Variants in RFX7 observed in about 807,000 individuals in gnomAD.
The protein encoded by RFX7 is regulatory factor X7, also known as DNA-binding protein RFX7.
Under a neutral mutation model 111.8 loss-of-function variants are expected in RFX7, and 26 were observed. The observed-to-expected ratio is 0.23, with a 90% CI of 0.17 to 0.32. The LOEUF (loss-of-function observed/expected upper bound fraction) is 0.32. Among genes scored for constraint, RFX7 ranks in the 10% least tolerant of loss-of-function variants. The pLI, the probability that RFX7 is intolerant of heterozygous loss-of-function variation, is 1.00. For missense variants in RFX7, 1,573 were observed against 1,772.9 expected (o/e 0.89, Z 2.02); for synonymous variants, 624 against 624.4 (o/e 1.00, Z 0.01).
chr15:56,208,703 G>C (rs968745060), intron 2 of RFX7, among the ~76,000 whole-genome samples: 1 of 152,054 alleles, frequency 6.6e-6, no homozygotes, highest in Admixed American at 6.6e-5. Context: ...TAAATAAATA[G>C]AAATTATAAG....
intron 2 of RFX7, among the ~76,000 whole-genome samples, chr15:56,238,593 G>C (rs1202480112): frequency 6.6e-6 from 1 of 152,068 alleles, no homozygotes; most frequent in African/African-American, 2.4e-5. Context: ...TTATATGACC[G>C]TTTTAAGAAG....
intron 2 of RFX7, among the ~76,000 whole-genome samples, chr15:56,182,394 CAT>C (rs2042984008): frequency 6.6e-6 from 1 of 152,088 alleles, no homozygotes; most frequent in Admixed American, 6.6e-5. Context: ...TATACTTAAA[CAT>C]AATAGAAAAA....
rs975782447 is a variant in RFX7 at position 56,112,118 on chromosome 15, A to C, written c.402-8448T>G. On this transcript the variant is annotated intron_variant, in intron 5 of 9. Transcript: ENST00000559447. ...CAATAGAGGGACACTTTGCCCCAGA[A>C]AAAAAAAAAAAAAAAGAATCACTAA... 1.3e-3 allele frequency among the ~76,000 whole-genome samples: 162 copies of C among 124,954 alleles called. 1 individual carries two copies. The highest frequency in any genetic ancestry group is 4.4e-3 in the African/African-American group (155 of 35,382). The allele number at this position is 124,954 out of a possible 152,430, so 82.0% of individuals were successfully genotyped here.
Position 56,094,519 on chromosome 15 carries a change from C to G in RFX7, c.3209G>C (p.Ser1070Thr), listed in dbSNP as rs774041288. Reference sequence around the variant, plus strand: ...AGAAACTGATGAATTACCAACCCCACTATACCCATTATTCATCCATTCAAG... The same window carrying G: ...AGAAACTGATGAATTACCAACCCCAGTATACCCATTATTCATCCATTCAAG... ...TKLEWMNNGY[S>T]GVGNSSVSGH... The change falls in exon 10 of 10, where the codon AGT (serine) becomes ACT (threonine). Residue 1070 changes from serine (S) to threonine (T), a missense_variant. By Grantham distance (58) the Ser-to-Thr change is moderately conservative (BLOSUM62 1). Coordinates refer to ENST00000559447, the MANE Select transcript of RFX7 (RefSeq NM_022841.7). 12 of 1,613,850 alleles carry G rather than the reference C, an allele frequency of 7.4e-6. No homozygotes were observed. The highest frequency in any genetic ancestry group is 6.7e-5 in the Admixed American group (4 of 59,998).
At chr15:56,171,975 G>C (rs2141111243) in intron 3 of RFX7, among the ~76,000 whole-genome samples, 1 of 152,268 alleles carries the variant, frequency 6.6e-6, no homozygotes, top group South Asian at 2.1e-4. Context: ...CAAAGCAACA[G>C]ACACCCTTGA....
At chr15:56,218,542 G>A (rs1295881570) in intron 2 of RFX7, among the ~76,000 whole-genome samples, 1 of 152,168 alleles carries the variant, frequency 6.6e-6, no homozygotes, top group Non-Finnish European at 1.5e-5. Flanking sequence ...GGGGGTCCTG[G>A]AACCAATTCC....
chr15:56,149,884 C>T (rs890730493), intron 3 of RFX7, among the ~76,000 whole-genome samples: 7 of 151,906 alleles, frequency 4.6e-5, no homozygotes, highest in Admixed American at 1.3e-4. Flanking sequence ...TGGAAAGGGG[C>T]GCTGAAGCCA....
At chr15:56,228,607 A>G (rs1222685570) in intron 2 of RFX7, among the ~76,000 whole-genome samples, 1 of 152,192 alleles carries the variant, frequency 6.6e-6, no homozygotes, top group Non-Finnish European at 1.5e-5. Flanking sequence ...TTAATACACA[A>G]TTACTGACAC....
At chr15:56,157,742 G>T (rs1001296691) in intron 3 of RFX7, among the ~76,000 whole-genome samples, 1 of 152,156 alleles carries the variant, frequency 6.6e-6, no homozygotes, top group African/African-American at 2.4e-5. Flanking sequence ...ACCACGCCCA[G>T]TTAATTTTTG....
chr15:56,198,226 C>T (rs1254135751), intron 2 of RFX7, among the ~76,000 whole-genome samples: 1 of 152,062 alleles, frequency 6.6e-6, no homozygotes, highest in Non-Finnish European at 1.5e-5. Context: ...ATAGCCTCTT[C>T]CCAACAATCC....
At chr15:56,189,585 G>C (rs981386028) in intron 2 of RFX7, among the ~76,000 whole-genome samples, 1 of 151,972 alleles carries the variant, frequency 6.6e-6, no homozygotes, top group Non-Finnish European at 1.5e-5. Context: ...GCAAACAACT[G>C]GAATAGATAT....
chr15:56,131,693 C>A (rs146048041), intron 5 of RFX7, among the ~76,000 whole-genome samples: 75 of 152,210 alleles, frequency 4.9e-4, no homozygotes, highest in African/African-American at 1.7e-3. Context: ...AAAATAAAGT[C>A]TTGTTCAACT....
At chr15:56,120,302 C>G (rs1164238719) in intron 5 of RFX7, among the ~76,000 whole-genome samples, 1 of 152,122 alleles carries the variant, frequency 6.6e-6, no homozygotes. Context: ...TCAGATTGTT[C>G]ACAGTTGGCA....
At chr15:56,162,703 A>T (rs1048387372) in intron 3 of RFX7, among the ~76,000 whole-genome samples, 2 of 152,110 alleles carry the variant, frequency 1.3e-5, no homozygotes, top group Non-Finnish European at 2.9e-5. Context: ...CAATAACTCA[A>T]GTGTTTAATG....
At chr15:56,202,464 T>C (rs1317755100) in intron 2 of RFX7, among the ~76,000 whole-genome samples, 1 of 152,196 alleles carries the variant, frequency 6.6e-6, no homozygotes, top group African/African-American at 2.4e-5. Flanking sequence ...GTGGCTACTG[T>C]ACTGGACAGT....
chr15:56,125,117 TC>T (rs2042126017), intron 5 of RFX7, among the ~76,000 whole-genome samples: 1 of 152,210 alleles, frequency 6.6e-6, no homozygotes, highest in Non-Finnish European at 1.5e-5. Flanking sequence ...GACTGTCCTT[TC>T]CCCACTGAGT....
At chr15:56,216,428 T>A (rs576572095) in intron 2 of RFX7, among the ~76,000 whole-genome samples, 1 of 152,204 alleles carries the variant, frequency 6.6e-6, no homozygotes, top group Non-Finnish European at 1.5e-5. Context: ...AAGTTGCTTA[T>A]AATATTCTTA....
At chr15:56,200,569 G>C (rs2043184316) in intron 2 of RFX7, among the ~76,000 whole-genome samples, 1 of 152,096 alleles carries the variant, frequency 6.6e-6, no homozygotes, top group African/African-American at 2.4e-5. Flanking sequence ...GGGAGGCCGA[G>C]GTGGGCGGAT....
chr15:56,150,564 A>C (rs556465743), intron 3 of RFX7, among the ~76,000 whole-genome samples: 1 of 152,248 alleles, frequency 6.6e-6, no homozygotes, highest in Non-Finnish European at 1.5e-5. Flanking sequence ...CTGGAAGGTC[A>C]CCAACATCAA....
Sources: allele counts gnomAD v4.1 joint callset (sites outside exome capture counted in the v4.1 genomes callset), GRCh38; gene constraint gnomAD v4.1.1; transcripts MANE v1.5; gene names NCBI Gene and HGNC (gene_info 2026-07-23, HGNC 2026-07-21).